The following AFDN variants were observed in gnomAD, a reference collection of about 807,000 sequenced individuals.
AFDN encodes afadin.
In AFDN, 68 loss-of-function variants were observed where a neutral mutation model predicts 216.6. The observed-to-expected ratio is 0.31, with a 90% CI of 0.26 to 0.38. AFDN has a LOEUF of 0.38. Ranked by LOEUF, AFDN falls within the 10% of genes least tolerant of loss-of-function variation. The probability of loss-of-function intolerance (pLI) is 1.00; values close to 1 mark genes in which losing one functional copy is unlikely to be tolerated. For synonymous variants in AFDN, 868 were observed against 853.7 expected (o/e 1.02, Z -0.29); for missense variants, 2,136 against 2,342.0 (o/e 0.91, Z 1.82).
intron 1 of AFDN, among the ~76,000 whole-genome samples, chr6:167,860,638 C>T (rs1014148024): frequency 1.3e-5 from 2 of 152,158 alleles, no homozygotes; most frequent in African/African-American, 4.8e-5. Context: ...ATAACTCACT[C>T]AAGGATGTGG....
chr6:167,909,985 A>G lies in AFDN; in HGVS notation c.1770-1116A>G, dbSNP rs1276475679. Among the ~76,000 whole-genome samples the G allele has an allele frequency of 2.6e-5, 4 of 152,362 alleles. No homozygotes were observed. In the South Asian group the frequency reaches 6.2e-4, roughly 24 times the overall value. On this transcript the variant is annotated intron_variant, in intron 13 of 33. Transcript: ENST00000683244. ...TTCGCTGGTTTTTGGTAAATATTGTATATAAAATACAGTGGGTAGCGAACT... is the reference window on the plus strand; with the variant it reads ...TTCGCTGGTTTTTGGTAAATATTGTGTATAAAATACAGTGGGTAGCGAACT...
chr6:167,894,463 A>G (rs751369076), intron 9 of AFDN, among the ~76,000 whole-genome samples: 11 of 152,120 alleles, frequency 7.2e-5, no homozygotes, highest in Non-Finnish European at 1.5e-4. Context: ...GTTTTTGGCA[A>G]CGGTTTTATA....
Position 167,917,118 on chromosome 6 carries a change from T to C in AFDN, c.2595T>C (p.Tyr865=), listed in dbSNP as rs754690438. The C allele has an allele frequency of 6.2e-7, 1 of 1,613,400 alleles. No individual in the cohort carries two copies. The highest frequency in any genetic ancestry group is 1.1e-5 in the South Asian group (1 of 90,904). Residue 865 remains tyrosine, a synonymous_variant, in exon 20 of 34, where the codon TAT becomes TAC. Coordinates refer to ENST00000683244, the MANE Select transcript of AFDN (RefSeq NM_001386888.1). The part of the protein sequence containing the change: ...QATTLLTMDK[Y]APDDIPNINS... Reference sequence around the variant, plus strand: ...CGACTTTGCTTACCATGGATAAGTATGCACCTGATGACATTCCAAATATAA... The same window carrying C: ...CGACTTTGCTTACCATGGATAAGTACGCACCTGATGACATTCCAAATATAA...
intron 15 of AFDN, among the ~76,000 whole-genome samples, chr6:167,912,563 T>C (rs1790532527): frequency 6.6e-6 from 1 of 152,240 alleles, no homozygotes; most frequent in Admixed American, 6.5e-5. Flanking sequence ...GTCATTTTAT[T>C]TGGATACCGT....
chr6:167,841,735 T>C (rs532831389), intron 1 of AFDN, among the ~76,000 whole-genome samples: 1 of 152,214 alleles, frequency 6.6e-6, no homozygotes, highest in South Asian at 2.1e-4. Flanking sequence ...TCAGTTAGAG[T>C]GTTTCAATTT....
intron 6 of AFDN, among the ~76,000 whole-genome samples, chr6:167,882,688 C>T (rs944464005): frequency 4.0e-5 from 6 of 151,806 alleles, no homozygotes; most frequent in African/African-American, 9.7e-5. Flanking sequence ...AATGGAGAGA[C>T]GGAAGTTATC....
intron 30 of AFDN, among the ~76,000 whole-genome samples, chr6:167,960,601 G>A (rs989807117): frequency 2.6e-5 from 4 of 152,154 alleles, no homozygotes; most frequent in Non-Finnish European, 4.4e-5. Flanking sequence ...TTACTTTTCT[G>A]TAGAATATTT....
At chr6:167,836,239 G>T (rs1469700104) in intron 1 of AFDN, among the ~76,000 whole-genome samples, 1 of 152,174 alleles carries the variant, frequency 6.6e-6, no homozygotes, top group East Asian at 1.9e-4. Flanking sequence ...TTGTAGTTCA[G>T]GGAGCAGTGG....
intron 13 of AFDN, among the ~76,000 whole-genome samples, chr6:167,908,213 A>G (rs747827050): frequency 8.5e-5 from 13 of 152,260 alleles, no homozygotes; most frequent in Non-Finnish European, 1.3e-4. Flanking sequence ...AGGGTCACCT[A>G]TCAGTTCAGT....
rs1438167727 is a variant in AFDN at position 167,826,959 on chromosome 6, C to G, written c.-174C>G. 6.7e-6 allele frequency: 1 copy of G among 149,860 alleles called. No homozygotes were observed. The highest frequency in any genetic ancestry group is 6.9e-5 in the Admixed American group (1 of 14,596). 9.3% of individuals were successfully genotyped at this position (149,860 alleles called of 1,614,324 possible). A position where few individuals can be genotyped will look rare whatever the true frequency, so the allele number is the denominator to read the frequency against. On this transcript the variant is annotated 5_prime_UTR_variant, in exon 1 of 34. Coordinates refer to ENST00000683244, the MANE Select transcript of AFDN (RefSeq NM_001386888.1). ...GCGGCGCGGCGCGGCGCGGACTGAGCCCCAGGCGGAGGCCAAGTCGGAGGA... is the reference window on the plus strand; with the variant it reads ...GCGGCGCGGCGCGGCGCGGACTGAGGCCCAGGCGGAGGCCAAGTCGGAGGA...
At chr6:167,954,882 G>A (rs1342558304) in intron 30 of AFDN, among the ~76,000 whole-genome samples, 2 of 152,066 alleles carry the variant, frequency 1.3e-5, no homozygotes, top group Non-Finnish European at 2.9e-5. Flanking sequence ...AGCTGAAAGG[G>A]TATTGACATT....
In AFDN at chr6:167,898,562, A is replaced by G. The variant is rs961092253; in HGVS notation, c.1580+95A>G. 12 of 1,321,728 alleles carry G rather than the reference A, an allele frequency of 9.1e-6. No homozygotes were observed. The African/African-American group carries it at 1.0e-4, about 11-fold the overall frequency. 81.9% of individuals were successfully genotyped at this position (1,321,728 alleles called of 1,614,324 possible). A position where few individuals can be genotyped will look rare whatever the true frequency, so the allele number is the denominator to read the frequency against. ...ATCTTGGCTTTTTATTTTTGTTTCA[A>G]TTTTTAAAAAAATATCAAAGTGAAG... On this transcript the variant is annotated intron_variant, in intron 11 of 33. Transcript: ENST00000683244.
intron 6 of AFDN, among the ~76,000 whole-genome samples, chr6:167,880,849 C>T (rs1014769616): frequency 6.6e-6 from 1 of 152,080 alleles, no homozygotes; most frequent in African/African-American, 2.4e-5. Context: ...TTACCAATAC[C>T]AAGCTGCCTT....
chr6:167,970,607 A>T lies in AFDN; in HGVS notation c.*672A>T, dbSNP rs1005541938. ...TCTTCTGATCAATTCTAAATATTTG[A>T]TTAATTTTAATTCTGAAAGAAAATT... On this transcript the variant is annotated 3_prime_UTR_variant, in exon 34 of 34. Transcript: ENST00000683244. The T allele has an allele frequency of 4.8e-6, 1 of 209,862 alleles. No homozygotes were observed. The highest frequency in any genetic ancestry group is 9.7e-6 in the Non-Finnish European group (1 of 103,498). 13.0% of individuals were successfully genotyped at this position (209,862 alleles called of 1,614,324 possible). A position where few individuals can be genotyped will look rare whatever the true frequency, so the allele number is the denominator to read the frequency against.
rs1396686791 is a variant in AFDN at position 167,898,222 on chromosome 6, T to A, written c.1335T>A (p.Ile445=). 6.2e-7 allele frequency: 1 copy of A among 1,614,084 alleles called. No homozygotes were observed. The highest frequency in any genetic ancestry group is 1.1e-5 in the South Asian group (1 of 91,074). ...DNSIQLFGPG[I]QPHHCDLTNM... ...GTTTCCAGTTGTTTGGCCCAGGAAT[T>A]CAGCCCCATCACTGTGACCTTACCA... is the stretch of plus-strand genomic sequence containing the variant. Residue 445 remains isoleucine, a synonymous_variant, in exon 11 of 34, where the codon ATT becomes ATA. Transcript: ENST00000683244.
chr6:167,942,580 T>C (rs1252014653), intron 23 of AFDN, among the ~76,000 whole-genome samples: 1 of 152,224 alleles, frequency 6.6e-6, no homozygotes, highest in African/African-American at 2.4e-5. Flanking sequence ...AATTTTATTC[T>C]TTCATAATAT....
chr6:167,907,739 C>T (rs758823060), intron 13 of AFDN, among the ~76,000 whole-genome samples: 3 of 151,790 alleles, frequency 2.0e-5, no homozygotes, highest in Non-Finnish European at 4.4e-5. Flanking sequence ...GTCTTGTGCT[C>T]TAATGTGATG....
At chr6:167,850,967 C>A (rs1782236666) in intron 1 of AFDN, among the ~76,000 whole-genome samples, 1 of 152,170 alleles carries the variant, frequency 6.6e-6, no homozygotes, top group South Asian at 2.1e-4. Context: ...CTGCCTCCTG[C>A]AAGCGATTCT....
At position 167,969,188 on chromosome 6, in the gene AFDN, C is replaced by A. The variant is rs529414934; in HGVS notation, c.5332C>A (p.Arg1778Ser). The A allele has an allele frequency of 1.7e-5, 27 of 1,613,308 alleles. No homozygotes were observed. The highest frequency in any genetic ancestry group is 1.1e-5 in the Non-Finnish European group (13 of 1,179,444). The change falls in exon 33 of 34, where the codon CGC becomes AGC. Residue 1778 changes from arginine to serine, a missense_variant. Physicochemically the swap from Arg to Ser is moderately radical, Grantham distance 110. Around this residue, in one of 8 missense-constraint regions of AFDN, gnomAD observed 981 missense variants for 966.0 expected, o/e 1.02. Coordinates refer to ENST00000683244, the MANE Select transcript of AFDN (RefSeq NM_001386888.1). ...CGCCTGTCGGGATGCAAAAGAGAAG[C>A]GCTCTAAAAGGTATGGACGGTTGCA... ...HDACRDAKEK[R>S]SKSQDADSPG...
Sources: allele counts gnomAD v4.1 joint callset (sites outside exome capture counted in the v4.1 genomes callset), GRCh38; gene constraint gnomAD v4.1.1; regional missense constraint gnomAD v4.1.1; transcripts MANE v1.5; gene names NCBI Gene and HGNC (gene_info 2026-07-23, HGNC 2026-07-21).